Variants in ZC3H12D observed in about 807,000 individuals in gnomAD.
ZC3H12D encodes probable ribonuclease ZC3H12D.
ZC3H12D carries 11 observed loss-of-function variants against 24.2 expected under a neutral mutation model. The observed-to-expected ratio is 0.46, with a 90% CI of 0.29 to 0.75. ZC3H12D has a LOEUF of 0.75. ZC3H12D is among the 30% of genes least tolerant of loss of function. ZC3H12D has a pLI of 0.11. For synonymous variants in ZC3H12D, 333 were observed against 341.8 expected, an observed-to-expected ratio of 0.97 and a Z score of 0.28; for missense variants, 740 against 767.7, an observed-to-expected ratio of 0.96 and a Z score of 0.43.
rs1022148946 is a variant in ZC3H12D, at chr6:149,450,863, G to T, written c.1404C>A (p.Tyr468Ter). Reference sequence around the variant, plus strand: ...CGTCCCCCTCGTCGTCCTCGGTCGCGTACACTGAAAGTCCCCCAGTGGCGC... The same window carrying T: ...CGTCCCCCTCGTCGTCCTCGGTCGCTTACACTGAAAGTCCCCCAGTGGCGC... ...GDGATGGLSV[Y>*]ATEDDEGDAR... is the part of the protein sequence containing the mutation. Residue 468 changes from tyrosine to a stop codon, truncating the protein, a stop_gained, in exon 6 of 6, where the codon TAC becomes TAA. Coordinates refer to ENST00000409806, the MANE Select transcript of ZC3H12D (RefSeq NM_207360.3). LOFTEE classifies it low-confidence loss of function (END_TRUNC). The T allele has an allele frequency of 9.7e-6, 15 of 1,542,910 alleles. No homozygotes were observed. Among genetic ancestry groups the T allele is most frequent in the Non-Finnish European group, 1.0e-5 (12 of 1,146,652 alleles).
At chr6:149,472,462 G>A (rs767801077) in intron 2 of ZC3H12D, among the ~76,000 whole-genome samples, 10 of 151,530 alleles carry the variant, frequency 6.6e-5, no homozygotes, top group South Asian at 2.1e-4. Context: ...CACATTCTTC[G>A]TAGTGAGTCT....
chr6:149,451,631 C>T (rs368090580), intron 5 of ZC3H12D, among the ~76,000 whole-genome samples, 152 bp from the exon 6 acceptor site: 297 of 152,296 alleles, frequency 2.0e-3, no homozygotes, highest in African/African-American at 7.0e-3. Context: ...TCCTCAGACT[C>T]AGCGCCCTGG....
intron 2 of ZC3H12D, among the ~76,000 whole-genome samples, chr6:149,472,613 G>A (rs1035649940): frequency 2.6e-5 from 4 of 152,090 alleles, no homozygotes; most frequent in Non-Finnish European, 5.9e-5. Context: ...AACAGAGGAT[G>A]TGGCTTAAGT....
chr6:149,478,955 C>T (rs1021920982), intron 1 of ZC3H12D, among the ~76,000 whole-genome samples: 4 of 152,204 alleles, frequency 2.6e-5, no homozygotes, highest in African/African-American at 9.7e-5. Flanking sequence ...GACAGGCTGC[C>T]GAGGTTGTCA....
In ZC3H12D at chr6:149,461,920, T is replaced by C; in HGVS notation, c.356A>G (p.Asp119Gly). 1 of 1,611,498 alleles carries C rather than the reference T, an allele frequency of 6.2e-7. No homozygotes were observed. The highest frequency in any genetic ancestry group is 1.1e-5 in the South Asian group (1 of 90,142). The change falls in exon 3 of 6, where the codon GAC becomes GGC. Residue 119 changes from aspartate to glycine, a missense_variant. Coordinates refer to ENST00000409806, the MANE Select transcript of ZC3H12D (RefSeq NM_207360.3). The part of the protein sequence containing the change: ...FSCRGIKLAV[D>G]WFRDRGHTYI... ...GGTGTGTCCTCTGTCCCTGAACCAG[T>C]CAACAGCCAGCTTGATTCCCCGGCA... is the stretch of plus-strand genomic sequence containing the variant.
rs75526439 is a variant in ZC3H12D at position 149,484,460 on chromosome 6, C to T, written c.-71+353G>A. Among the ~76,000 whole-genome samples, 1,362 of 152,122 alleles carry T rather than the reference C, an allele frequency of 9.0e-3. 10 individuals carry two copies. The highest frequency in any genetic ancestry group is 0.024 in the African/African-American group (1,013 of 41,490). On this transcript the variant is annotated intron_variant, in intron 1 of 5. Coordinates refer to ENST00000409806, the MANE Select transcript of ZC3H12D (RefSeq NM_207360.3). ...TTCTACTCTTTCTGATTTCCTAATA[C>T]GTAAATATCTTCAAAGGCCACAGCA...
At chr6:149,455,851 G>C (rs1438166474) in intron 4 of ZC3H12D, among the ~76,000 whole-genome samples, 3 of 150,194 alleles carry the variant, frequency 2.0e-5, no homozygotes, top group Admixed American at 2.0e-4. Flanking sequence ...GCAGTGAGCT[G>C]TGATCATGCC....
chr6:149,479,725 A>C (rs2115014731), intron 1 of ZC3H12D, among the ~76,000 whole-genome samples: 1 of 152,266 alleles, frequency 6.6e-6, no homozygotes, highest in Non-Finnish European at 1.5e-5. Flanking sequence ...ATTTTTAGAA[A>C]CAGGGTCTCA....
At chr6:149,468,803 C>T (rs1023168418) in intron 2 of ZC3H12D, among the ~76,000 whole-genome samples, 1 of 152,128 alleles carries the variant, frequency 6.6e-6, no homozygotes, top group South Asian at 2.1e-4. Flanking sequence ...CGGTCATAAA[C>T]CCCCACCATT....
chr6:149,454,786 T>G (rs763632713), intron 4 of ZC3H12D, among the ~76,000 whole-genome samples: 1 of 152,214 alleles, frequency 6.6e-6, no homozygotes, highest in Non-Finnish European at 1.5e-5. Context: ...CTGGAGCCCA[T>G]AGTTACCAGA....
rs187384100 is a variant in ZC3H12D, at chr6:149,460,703, G to A, written c.445+1128C>T. Among the ~76,000 whole-genome samples the A allele has an allele frequency of 1.7e-3, 264 of 152,168 alleles. 1 individual carries two copies. Among genetic ancestry groups the A allele is most frequent in the Non-Finnish European group, 2.4e-3 (164 of 68,006 alleles). On this transcript the variant is annotated intron_variant, in intron 3 of 5. Transcript: ENST00000409806. ...AAATTAGCTGGGCGTGGTGGCACGC[G>A]CCTGTAGTCCCAGCTACTCAGGAGG...
At chr6:149,480,574 TA>T (rs1258371198) in intron 1 of ZC3H12D, among the ~76,000 whole-genome samples, 6 of 152,098 alleles carry the variant, frequency 3.9e-5, no homozygotes, top group African/African-American at 1.4e-4. Context: ...CTGTCTCTAC[TA>T]AAAACATAGA....
rs1355573032 is a variant in ZC3H12D, at chr6:149,457,740, T to C, written c.446-840A>G. ...GGCTAAAATCTGCATCCCAGGAGGGTCAGCTGTTTGATCTGGATTTTGCCT... is the reference window on the plus strand; with the variant it reads ...GGCTAAAATCTGCATCCCAGGAGGGCCAGCTGTTTGATCTGGATTTTGCCT... On this transcript the variant is annotated intron_variant, in intron 3 of 5. Coordinates refer to ENST00000409806, the MANE Select transcript of ZC3H12D (RefSeq NM_207360.3). Among the ~76,000 whole-genome samples, 4 of 151,882 alleles carry C rather than the reference T, an allele frequency of 2.6e-5. No homozygotes were observed. The South Asian group carries it at 6.2e-4, about 24-fold the overall frequency.
At position 149,451,437 on chromosome 6, in the gene ZC3H12D, G is replaced by C; in HGVS notation, c.830C>G (p.Pro277Arg). Residue 277 changes from proline (P) to arginine (R), a missense_variant, in exon 6 of 6, where the codon CCG (proline) becomes CGG (arginine). Physicochemically the swap from Pro to Arg is moderately radical, Grantham distance 103. Transcript: ENST00000409806. ...CAGTTGCGCGTGGTGCGGCCTCTCC[G>C]GGTGGTAGAACTTGCACTTGATGCC... ...TYGIKCKFYH[P>R]ERPHHAQLAV... 1 of 1,576,606 alleles carries C rather than the reference G, an allele frequency of 6.3e-7. No individual in the cohort carries two copies. The highest frequency in any genetic ancestry group is 8.5e-7 in the Non-Finnish European group (1 of 1,170,994).
chr6:149,471,220 G>A (rs906874124), intron 2 of ZC3H12D, among the ~76,000 whole-genome samples: 5 of 152,250 alleles, frequency 3.3e-5, no homozygotes, highest in African/African-American at 4.8e-5. Flanking sequence ...AGCCAAGCAC[G>A]ACCAATGGCA....
At chr6:149,479,844 T>C (rs1328907481) in intron 1 of ZC3H12D, among the ~76,000 whole-genome samples, 1 of 152,182 alleles carries the variant, frequency 6.6e-6, no homozygotes, top group Non-Finnish European at 1.5e-5. Context: ...TAATAGATTT[T>C]TAAAACTAAA....
At position 149,474,444 on chromosome 6, in the gene ZC3H12D, T is replaced by G; in HGVS notation, c.100A>C (p.Asn34His). 1 of 1,603,700 alleles carries G rather than the reference T, an allele frequency of 6.2e-7. No individual in the cohort carries two copies. The highest frequency in any genetic ancestry group is 8.5e-7 in the Non-Finnish European group (1 of 1,172,192). The change falls in exon 2 of 6, where the codon AAC (asparagine) becomes CAC (histidine). Residue 34 changes from asparagine (N) to histidine (H), a missense_variant. Asn to His is a moderately conservative substitution (Grantham distance 68). Transcript: ENST00000409806. ...LGKLGEGALV[N>H]DVLQELIRTG... ...CGGATAAGCTCCTGCAGCACGTCGT[T>G]GACCAGGGCGCCCTCGCCCAGCTTG...
chr6:149,467,952 A>G (rs1180852824), intron 2 of ZC3H12D, among the ~76,000 whole-genome samples: 3 of 152,160 alleles, frequency 2.0e-5, no homozygotes, highest in African/African-American at 7.2e-5. Flanking sequence ...GCCCTGGGAA[A>G]AGGAGACAGG....
intron 1 of ZC3H12D, among the ~76,000 whole-genome samples, chr6:149,478,703 C>T (rs1280760236): frequency 6.6e-6 from 1 of 152,090 alleles, no homozygotes; most frequent in African/African-American, 2.4e-5. Context: ...CCTCCTTCTC[C>T]CAGGGCCCCA....
Sources: gnomAD v4.1 joint callset for allele counts (sites outside exome capture counted in the v4.1 genomes callset) on GRCh38, gnomAD v4.1.1 for gene constraint, MANE v1.5 for transcripts, NCBI Gene and HGNC (gene_info 2026-07-23, HGNC 2026-07-21) for gene names.